The following DNAI3 variants were observed in gnomAD, a reference collection of about 807,000 sequenced individuals.
DNAI3 encodes WD repeat domain 63.
Under a neutral mutation model 115.5 loss-of-function variants are expected in DNAI3, and 83 were observed. The observed-to-expected ratio is 0.72, with a 90% CI of 0.60 to 0.86. DNAI3 has a LOEUF of 0.86. Among genes scored for constraint, DNAI3 ranks in the 40% least tolerant of loss-of-function variants. DNAI3 has a pLI of 0.00. For missense variants in DNAI3, 1,004 were observed against 1,075.8 expected (o/e 0.93, Z 0.93); for synonymous variants, 320 against 347.0 (o/e 0.92, Z 0.86).
rs1324041037 is a variant in DNAI3, at chr1:85,081,387, A to G, written c.257A>G (p.Asp86Gly). Residue 86 changes from aspartate to glycine, a missense_variant, in exon 4 of 23, where the codon GAT becomes GGT. Asp to Gly is a moderately conservative substitution (Grantham distance 94, BLOSUM62 -1). This residue lies in a region of DNAI3 where 550 missense variants were observed against 568.1 expected (regional missense o/e 0.97). Coordinates refer to ENST00000294664, the MANE Select transcript of DNAI3 (RefSeq NM_145172.5). ...EDLRNRAAVS[D>G]FHPVKKIVQE... ...CTGCGCAACAGAGCTGCAGTATCTG[A>G]TTTCCACCCAGTCAAAAAAATTGTC... 6.3e-7 allele frequency: 1 copy of G among 1,580,740 alleles called. No homozygotes were observed. The highest frequency in any genetic ancestry group is 8.5e-7 in the Non-Finnish European group (1 of 1,170,234).
At chr1:85,069,880 A>C (rs139840185) in intron 1 of DNAI3, among the ~76,000 whole-genome samples, 2 of 152,350 alleles carry the variant, frequency 1.3e-5, no homozygotes, top group African/African-American at 4.8e-5. Flanking sequence ...GACATTTGAC[A>C]GTCTAAAGAG....
At chr1:85,118,673 C>T (rs1280593486) in intron 17 of DNAI3, among the ~76,000 whole-genome samples, 4 of 152,270 alleles carry the variant, frequency 2.6e-5, no homozygotes, top group Admixed American at 1.3e-4. Flanking sequence ...AGGCACAGCA[C>T]TGGGTGCTGG....
intron 12 of DNAI3, among the ~76,000 whole-genome samples, chr1:85,098,005 C>T (rs1012601854): frequency 1.3e-5 from 2 of 152,200 alleles, no homozygotes; most frequent in African/African-American, 4.8e-5. Flanking sequence ...GACCGTAGTC[C>T]TGTGAGTTTG....
At chr1:85,105,992 T>C (rs189519791) in intron 14 of DNAI3, among the ~76,000 whole-genome samples, 31 of 152,176 alleles carry the variant, frequency 2.0e-4, no homozygotes, top group Admixed American at 1.8e-3. Flanking sequence ...TACAAAAAAT[T>C]AGCTGGGCAT....
chr1:85,072,043 A>G, intron 2 of DNAI3, 38 bp downstream of exon 2: 1 of 1,574,048 alleles, frequency 6.4e-7, no homozygotes, highest in Non-Finnish European at 8.6e-7. Flanking sequence ...TTTTTTGTGG[A>G]GTATTTGTGT....
rs1304194698 is a variant in DNAI3, at chr1:85,072,002, G to C, written c.61G>C (p.Ala21Pro). Residue 21 changes from alanine to proline, a missense_variant, in exon 2 of 23, where the codon GCT (alanine) becomes CCT (proline). Transcript: ENST00000294664. ...RGKKRLKPVL[A>P]ASEDMEPVNM... Reference sequence around the variant, plus strand: ...CAAAAAAAGACTAAAACCAGTATTAGCTGGTAGGAATATTTCTTCATTGAA... The same window carrying C: ...CAAAAAAAGACTAAAACCAGTATTACCTGGTAGGAATATTTCTTCATTGAA... 3 of 1,610,420 alleles carry C rather than the reference G, an allele frequency of 1.9e-6. No individual in the cohort carries two copies. Among genetic ancestry groups the C allele is most frequent in the Non-Finnish European group, 1.7e-6 (2 of 1,179,164 alleles).
chr1:85,133,044 A>G lies in DNAI3; in HGVS notation c.*46A>G, dbSNP rs754460150. The G allele has an allele frequency of 5.7e-6, 9 of 1,574,346 alleles. No individual in the cohort carries two copies. Among genetic ancestry groups the G allele is most frequent in the Middle Eastern group, 1.7e-4 (1 of 5,876 alleles). On this transcript the variant is annotated 3_prime_UTR_variant, in exon 23 of 23. Transcript: ENST00000294664. ...TTTTGGGGACTTCTTCCCTCTATTT[A>G]TTTTTATGTCAGGTGAACTGGCATG...
chr1:85,130,859 A>T (rs556530574), intron 22 of DNAI3, among the ~76,000 whole-genome samples: 2 of 152,276 alleles, frequency 1.3e-5, no homozygotes, highest in African/African-American at 4.8e-5. Context: ...TAAGCTCTAA[A>T]GCACCCCATG....
chr1:85,114,858 A>G lies in DNAI3; in HGVS notation c.1787-2871A>G, dbSNP rs180695448. Reference sequence around the variant, plus strand: ...AGTGTCTGGTACTCTGTCACTATCTAATGGCCAGGGACCACCCACCCTTTG... The same window carrying G: ...AGTGTCTGGTACTCTGTCACTATCTGATGGCCAGGGACCACCCACCCTTTG... On this transcript the variant is annotated intron_variant, in intron 16 of 22. Transcript: ENST00000294664. Among the ~76,000 whole-genome samples, 116 of 152,294 alleles carry G rather than the reference A, an allele frequency of 7.6e-4. 1 individual carries two copies. The highest frequency in any genetic ancestry group is 2.7e-3 in the African/African-American group (114 of 41,550).
intron 17 of DNAI3, among the ~76,000 whole-genome samples, chr1:85,120,775 G>C (rs1571198853): frequency 6.6e-6 from 1 of 152,198 alleles, no homozygotes; most frequent in Non-Finnish European, 1.5e-5. Context: ...CGTGAGTAGA[G>C]AGAGGGCTTG....
At chr1:85,087,351 G>A (rs1225860401) in intron 7 of DNAI3, among the ~76,000 whole-genome samples, 2 of 142,094 alleles carry the variant, frequency 1.4e-5, no homozygotes, top group African/African-American at 5.2e-5. Flanking sequence ...CAGGAGAATT[G>A]CTTGAACCCG....
intron 19 of DNAI3, among the ~76,000 whole-genome samples, chr1:85,125,142 G>A (rs1371616677): frequency 6.6e-6 from 1 of 152,036 alleles, no homozygotes; most frequent in Admixed American, 6.6e-5. Context: ...AAGGGTGTGG[G>A]GGAATCAGTA....
rs766957026 is a variant in DNAI3, at chr1:85,126,708, C to G, written c.2310C>G (p.Ile770Met). The part of the protein sequence containing the change: ...ITMITYIKPW[I>M]FSSKQQFIAT... ...TGATCACCTACATCAAACCCTGGAT[C>G]TTTTCTTGTATGTTAATTCTAACTA... Residue 770 changes from isoleucine to methionine, a missense_variant, in exon 20 of 23, where the codon ATC becomes ATG. Around this residue, in one of 3 missense-constraint regions of DNAI3, gnomAD observed 429 missense variants for 454.3 expected, o/e 0.94. Transcript: ENST00000294664. The G allele has an allele frequency of 6.2e-7, 1 of 1,614,122 alleles. No homozygotes were observed. Among genetic ancestry groups the G allele is most frequent in the Non-Finnish European group, 8.5e-7 (1 of 1,179,988 alleles).
intron 1 of DNAI3, 147 bp from the exon 2 acceptor site, chr1:85,071,781 G>A: frequency 6.7e-6 from 5 of 743,416 alleles, no homozygotes; most frequent in Non-Finnish European, 8.9e-6. Context: ...CAGAACACCC[G>A]TTCTATGAAG....
Position 85,093,667 on chromosome 1 carries a change from G to T in DNAI3, c.1048+19G>T, listed in dbSNP as rs192908379. ...ATCTATGGTGAGATGGAAATGATGG[G>T]GATTCCCTTTTGTGATAACATTGAA... On this transcript the variant is annotated intron_variant, in intron 9 of 22. Coordinates refer to ENST00000294664, the MANE Select transcript of DNAI3 (RefSeq NM_145172.5). 6.2e-7 allele frequency: 1 copy of T among 1,613,204 alleles called. No homozygotes were observed. Among genetic ancestry groups the T allele is most frequent in the East Asian group, 2.2e-5 (1 of 44,870 alleles).
At chr1:85,121,867 T>A (rs1656003376) in intron 18 of DNAI3, 53 bp downstream of exon 18, 1 of 1,579,960 alleles carries the variant, frequency 6.3e-7, no homozygotes, top group South Asian at 1.1e-5. Flanking sequence ...TAATTTAAAC[T>A]ACCCAAAGGA....
At chr1:85,097,206 G>A (rs1571177588) in intron 11 of DNAI3, among the ~76,000 whole-genome samples, 1 of 152,096 alleles carries the variant, frequency 6.6e-6, no homozygotes, top group South Asian at 2.1e-4. Flanking sequence ...CAATTCTGGA[G>A]TATGGGCTGT....
At chr1:85,090,489 A>G (rs1654939400) in intron 8 of DNAI3, among the ~76,000 whole-genome samples, 1 of 152,168 alleles carries the variant, frequency 6.6e-6, no homozygotes, top group Admixed American at 6.5e-5. Context: ...CTAATTGCAG[A>G]TTAACATTTA....
At chr1:85,079,365 G>A (rs1284239876) in intron 3 of DNAI3, among the ~76,000 whole-genome samples, 1 of 152,200 alleles carries the variant, frequency 6.6e-6, no homozygotes, top group Non-Finnish European at 1.5e-5. Flanking sequence ...CATATAATCA[G>A]TGTTATGCAT....
Sources: allele counts gnomAD v4.1 joint callset (sites outside exome capture counted in the v4.1 genomes callset), GRCh38; gene constraint gnomAD v4.1.1; regional missense constraint gnomAD v4.1.1; transcripts MANE v1.5; gene names NCBI Gene and HGNC (gene_info 2026-07-23, HGNC 2026-07-21).